TG: variants seen among roughly 807,000 people sequenced by gnomAD.
TG encodes the protein thyroid hormones.
Under a neutral mutation model 324.7 loss-of-function variants are expected in TG, and 270 were observed. That is an observed-to-expected ratio of 0.83 (90% CI 0.75 to 0.92). The LOEUF is 0.92. Among genes scored for constraint, TG ranks in the 40% least tolerant of loss-of-function variants. The pLI, the probability that TG is intolerant of heterozygous loss-of-function variation, is 0.00. For missense variants in TG, 3,591 were observed against 3,456.4 expected (o/e 1.04, Z -0.98); for synonymous variants, 1,401 against 1,327.0 (o/e 1.06, Z -1.21).
intron 35 of TG, among the ~76,000 whole-genome samples, chr8:132,984,133 C>T (rs56263647): frequency 0.17 from 25,921 of 152,280 alleles, 2,694 homozygotes; most frequent in Middle Eastern, 0.32. Flanking sequence ...AGCCTGGGCT[C>T]CACACGCTGC....
intron 23 of TG, among the ~76,000 whole-genome samples, chr8:132,932,866 A>T (rs1428003771): frequency 6.6e-6 from 1 of 152,206 alleles, no homozygotes; most frequent in African/African-American, 2.4e-5. Flanking sequence ...TGTGATCTCA[A>T]TGGATACCTA....
intron 41 of TG, among the ~76,000 whole-genome samples, chr8:133,043,750 T>C (rs1424684583): frequency 1.3e-5 from 2 of 152,200 alleles, no homozygotes; most frequent in Non-Finnish European, 2.9e-5. Flanking sequence ...TGTGGACCCA[T>C]TTCTCCTTGA....
At position 133,134,690 on chromosome 8, in the gene TG, G is replaced by A. The variant is rs777891366; in HGVS notation, c.8203G>A (p.Gly2735Arg). ...CTCTGTTTCAGATGGAGCCAAGGGC[G>A]GGCAGTCAGCAGAGAGTGAAGAGGA... ...LKTSADGAKG[G>R]QSAESEEEEL... Residue 2735 changes from glycine (G) to arginine (R), a missense_variant, in exon 48 of 48, where the codon GGG becomes AGG. By Grantham distance (125) the Gly-to-Arg change is moderately radical. Transcript: ENST00000220616. 1.5e-5 allele frequency: 25 copies of A among 1,613,794 alleles called. No individual in the cohort carries two copies. Among genetic ancestry groups the A allele is most frequent in the Middle Eastern group, 1.6e-4 (1 of 6,072 alleles).
intron 46 of TG, chr8:133,133,254 C>T (rs1852082031): frequency 1.6e-6 from 1 of 632,114 alleles, no homozygotes; most frequent in Admixed American, 2.3e-5. Context: ...TAACACCTTT[C>T]CTCACCCAGA....
At chr8:132,904,645 G>A (rs920443009) in intron 16 of TG, among the ~76,000 whole-genome samples, 17 of 152,296 alleles carry the variant, frequency 1.1e-4, no homozygotes, top group African/African-American at 3.6e-4. Context: ...CAAGAGAAGC[G>A]TCAGTGTCCT....
chr8:133,088,985 C>T (rs994581005), intron 41 of TG, among the ~76,000 whole-genome samples: 5 of 152,242 alleles, frequency 3.3e-5, no homozygotes, highest in South Asian at 2.1e-4. Flanking sequence ...AGCTCTCTTC[C>T]TAAGCTGTCC....
chr8:132,969,241 T>C (rs1829113382), intron 31 of TG, among the ~76,000 whole-genome samples: 1 of 152,146 alleles, frequency 6.6e-6, no homozygotes, highest in South Asian at 2.1e-4. Flanking sequence ...GCTTCCAACA[T>C]TTTGTTGCTG....
At chr8:132,871,132 C>T (rs1037699880) in intron 3 of TG, among the ~76,000 whole-genome samples, 5 of 152,190 alleles carry the variant, frequency 3.3e-5, no homozygotes, top group Non-Finnish European at 5.9e-5. Flanking sequence ...GGGTACCTGA[C>T]TGATGTGGCA....
intron 18 of TG, among the ~76,000 whole-genome samples, chr8:132,909,155 C>T (rs1819138124): frequency 6.6e-6 from 1 of 152,090 alleles, no homozygotes; most frequent in African/African-American, 2.4e-5. Flanking sequence ...ACAGTCTTCT[C>T]CAGCTGCTGT....
At chr8:133,002,261 G>T in intron 35 of TG, 1 of 985,446 alleles carries the variant, frequency 1.0e-6, no homozygotes, top group Non-Finnish European at 1.2e-6. Flanking sequence ...TGCCTGTGGG[G>T]TGCATGCAGC....
intron 45 of TG, among the ~76,000 whole-genome samples, chr8:133,125,922 A>G (rs1450330353): frequency 6.6e-6 from 1 of 152,260 alleles, no homozygotes; most frequent in Non-Finnish European, 1.5e-5. Context: ...GAAAATATAT[A>G]TAATGCACAA....
chr8:133,080,204 C>T (rs1845536533), intron 41 of TG, among the ~76,000 whole-genome samples: 1 of 151,976 alleles, frequency 6.6e-6, no homozygotes, highest in Non-Finnish European at 1.5e-5. Flanking sequence ...AAGTTTGGGG[C>T]TGGAAATACT....
At chr8:132,982,946 A>T (rs577642503) in intron 34 of TG, among the ~76,000 whole-genome samples, 6 of 152,296 alleles carry the variant, frequency 3.9e-5, no homozygotes, top group African/African-American at 1.2e-4. Context: ...TGAGAAAAGA[A>T]ATGATGTGTG....
intron 34 of TG, among the ~76,000 whole-genome samples, chr8:132,977,933 G>C (rs150194511): frequency 2.6e-5 from 4 of 152,228 alleles, no homozygotes; most frequent in Admixed American, 2.6e-4. Context: ...GAGGGTAGAA[G>C]TCCCTGCCCA....
rs1250032683 is a variant in TG at position 132,941,473 on chromosome 8, C to A, written c.5164C>A (p.Leu1722Ile). ...ASGANLTDAH[L>I]FCLLACDRDL... is the part of the protein sequence containing the mutation. ...AGGAGCCAATCTAACCGATGCTCACCTCTTCTGTCTTCTTGCATGCGACCG... is the reference window on the plus strand; with the variant it reads ...AGGAGCCAATCTAACCGATGCTCACATCTTCTGTCTTCTTGCATGCGACCG... Residue 1722 changes from leucine to isoleucine, a missense_variant, in exon 26 of 48, where the codon CTC (leucine) becomes ATC (isoleucine). Physicochemically the swap from Leu to Ile is conservative, Grantham distance 5. Coordinates refer to ENST00000220616, the MANE Select transcript of TG (RefSeq NM_003235.5). 1.2e-6 allele frequency: 2 copies of A among 1,614,088 alleles called. No homozygotes were observed. The highest frequency in any genetic ancestry group is 1.7e-6 in the Non-Finnish European group (2 of 1,180,050).
chr8:133,088,341 A>G (rs548074721), intron 41 of TG, among the ~76,000 whole-genome samples: 2 of 152,250 alleles, frequency 1.3e-5, no homozygotes, highest in Admixed American at 1.3e-4. Context: ...CCAGCCGCTC[A>G]TGAGTGGAAT....
chr8:132,960,443 T>C (rs1480283716), intron 27 of TG, among the ~76,000 whole-genome samples: 1 of 152,184 alleles, frequency 6.6e-6, no homozygotes, highest in Non-Finnish European at 1.5e-5. Context: ...CAGGAAATGG[T>C]GTGGCAAGCC....
At chr8:132,965,659 T>C (rs544534769) in intron 29 of TG, among the ~76,000 whole-genome samples, 1 of 152,146 alleles carries the variant, frequency 6.6e-6, no homozygotes, top group South Asian at 2.1e-4. Context: ...CTTTATAGAG[T>C]CACAGGACAT....
At position 132,886,968 on chromosome 8, in the gene TG, A is replaced by G. The variant is rs766034772; in HGVS notation, c.1596A>G (p.Thr532=). 5 of 1,614,212 alleles carry G rather than the reference A, an allele frequency of 3.1e-6. No homozygotes were observed. Among genetic ancestry groups the G allele is most frequent in the African/African-American group, 2.7e-5 (2 of 75,064 alleles). The change falls in exon 9 of 48, where the codon ACA becomes ACG. Residue 532 remains threonine (T), a synonymous_variant. Transcript: ENST00000220616. The part of the protein sequence containing the change: ...LSVGLDSNSS[T]GTPEAAKKDG... ...TGGGATTAGATTCAAATTCTTCCAC[A>G]GGAACCCCTGAAGCTGCTAAGAAGG...
Sources: allele counts gnomAD v4.1 joint callset (sites outside exome capture counted in the v4.1 genomes callset), GRCh38; gene constraint gnomAD v4.1.1; transcripts MANE v1.5; gene names NCBI Gene and HGNC (gene_info 2026-07-23, HGNC 2026-07-21).